The following TXLNB variants were observed in gnomAD, a reference collection of about 807,000 sequenced individuals.
TXLNB encodes the protein beta-taxilin.
TXLNB carries 37 observed loss-of-function variants against 57.4 expected under a neutral mutation model. The observed-to-expected ratio is 0.64, with a 90% confidence interval of 0.50 to 0.85. The LOEUF (loss-of-function observed/expected upper bound fraction) is 0.85, where lower values mean the gene tolerates loss of function less well. Ranked by LOEUF, TXLNB falls within the 40% of genes least tolerant of loss-of-function variation. The pLI is 0.00. For missense variants in TXLNB, 848 were observed against 825.6 expected, an observed-to-expected ratio of 1.03 and a Z score of -0.33; for synonymous variants, 302 against 309.6, an observed-to-expected ratio of 0.98 and a Z score of 0.26.
At chr6:139,290,433 T>G (rs1777278976) in intron 1 of TXLNB, among the ~76,000 whole-genome samples, 2 of 152,198 alleles carry the variant, frequency 1.3e-5, no homozygotes, top group Non-Finnish European at 2.9e-5. Flanking sequence ...ATTCCTTAAA[T>G]TTCTATAATA....
At chr6:139,228,225 G>C in the TXLNB span, among the ~76,000 whole-genome samples, 3 of 152,040 alleles carry the variant, frequency 2.0e-5, no homozygotes, top group Admixed American at 6.6e-5. Context: ...CTCTTAAAAA[G>C]GGAAACTAGG....
In TXLNB at chr6:139,241,599, G is replaced by C. The variant is rs542193368; in HGVS notation, c.*927C>G. 1 of 152,366 alleles carries C rather than the reference G, an allele frequency of 6.6e-6. No homozygotes were observed. The highest frequency in any genetic ancestry group is 2.1e-4 in the South Asian group (1 of 4,826). 9.4% of individuals were successfully genotyped at this position (152,366 alleles called of 1,614,324 possible). A position where few individuals can be genotyped will look rare whatever the true frequency, so the allele number is the denominator to read the frequency against. On this transcript the variant is annotated 3_prime_UTR_variant, in exon 10 of 10. Coordinates refer to ENST00000358430, the MANE Select transcript of TXLNB (RefSeq NM_153235.4). ...TGGAATGGGATGCCCTGGCACATGA[G>C]GGGGTGGCAAAGCAATGGGCTGAGA...
chr6:139,287,672 C>T (rs910804748), intron 2 of TXLNB, among the ~76,000 whole-genome samples: 2 of 152,174 alleles, frequency 1.3e-5, no homozygotes, highest in Non-Finnish European at 2.9e-5. Flanking sequence ...AGGGAGTATT[C>T]GTAGTGAGTG....
intron 2 of TXLNB, chr6:139,287,312 A>G (rs1250148048): frequency 6.6e-6 from 1 of 152,218 alleles, no homozygotes; most frequent in Non-Finnish European, 1.5e-5. Flanking sequence ...GAGAAAGTGG[A>G]TTTGTCAGCC....
the TXLNB span, among the ~76,000 whole-genome samples, chr6:139,159,653 A>G: frequency 1.3e-5 from 2 of 152,076 alleles, no homozygotes; most frequent in Non-Finnish European, 2.9e-5. Context: ...CCCTCTCTCT[A>G]TTACTGTGGT....
chr6:139,288,792 C>G lies in TXLNB; in HGVS notation c.108G>C (p.Gln36His). 1 of 1,614,194 alleles carries G rather than the reference C, an allele frequency of 6.2e-7. No homozygotes were observed. The highest frequency in any genetic ancestry group is 8.5e-7 in the Non-Finnish European group (1 of 1,180,020). ...GTGGTTGGACTGGGGTTGGAGAATCCTGGCCATCTTCCTTCTCCAGGCCAT... is the reference window on the plus strand; with the variant it reads ...GTGGTTGGACTGGGGTTGGAGAATCGTGGCCATCTTCCTTCTCCAGGCCAT... ...SHNGLEKEDG[Q>H]DSPTPVQPPE... The change falls in exon 2 of 10, where the codon CAG becomes CAC. Residue 36 changes from glutamine (Q) to histidine (H), a missense_variant. By Grantham distance (24) the Gln-to-His change is conservative. Transcript: ENST00000358430.
chr6:139,267,207 A>T (rs117873548), intron 4 of TXLNB, among the ~76,000 whole-genome samples: 1,531 of 152,316 alleles, frequency 0.01, 67 homozygotes, highest in Admixed American at 0.074. Context: ...AATGGTAAAC[A>T]TCTGGGTAGA....
At chr6:139,175,418 T>G in the TXLNB span, among the ~76,000 whole-genome samples, 1 of 152,148 alleles carries the variant, frequency 6.6e-6, no homozygotes, top group Non-Finnish European at 1.5e-5. Flanking sequence ...GTAAAGAGAG[T>G]ATCTTTACTA....
chr6:139,174,377 G>T, the TXLNB span: 32 of 1,612,128 alleles, frequency 2.0e-5, no homozygotes, highest in Non-Finnish European at 2.6e-5. Flanking sequence ...TGTGTCTTCT[G>T]TGCACAGGGA....
chr6:139,236,751 C>T (rs150581028), downstream of TXLNB, among the ~76,000 whole-genome samples: 1,347 of 152,238 alleles, frequency 8.8e-3, 9 homozygotes, highest in South Asian at 0.043. Flanking sequence ...ACCACAGGTG[C>T]CTGCCACCAC....
At chr6:139,318,415 G>A in the TXLNB span, among the ~76,000 whole-genome samples, 7 of 151,842 alleles carry the variant, frequency 4.6e-5, no homozygotes, top group African/African-American at 1.7e-4. Context: ...ATCCCCAAAA[G>A]GAAACGAGAA....
At position 139,242,802 on chromosome 6, in the gene TXLNB, G is replaced by A. The variant is rs761176873; in HGVS notation, c.1779C>T (p.Leu593=). The change falls in exon 10 of 10, where the codon CTC becomes CTT. Residue 593 remains leucine, a synonymous_variant. Transcript: ENST00000358430. The stretch of plus-strand genomic sequence containing the variant: ...CCTGATCAGCCTGTGCTCCAACAGG[G>A]AGACCCTCGCATTGGGTTTCTGCTC... ...GLGAETQCEG[L]PVGAQADQAS... 2.7e-5 allele frequency: 44 copies of A among 1,614,060 alleles called. No individual in the cohort carries two copies. Among genetic ancestry groups the A allele is most frequent in the Non-Finnish European group, 3.5e-5 (41 of 1,180,042 alleles).
At chr6:139,235,483 A>T (rs1003704530), downstream of TXLNB, among the ~76,000 whole-genome samples, 1 of 152,142 alleles carries the variant, frequency 6.6e-6, no homozygotes, top group African/African-American at 2.4e-5. Flanking sequence ...GTGAGGGGCC[A>T]GGGGCAGAAT....
At position 139,244,847 on chromosome 6, in the gene TXLNB, A is replaced by G. The variant is rs147011257; in HGVS notation, c.1171-157T>C. On this transcript the variant is annotated intron_variant, in intron 8 of 9. Transcript: ENST00000358430. The stretch of plus-strand genomic sequence containing the variant: ...AGAATGAAGATTGTAGCAGAGTCAT[A>G]ATTTATTTCTGAGCCGTCTAGGGCA... Among the ~76,000 whole-genome samples, 231 of 152,350 alleles carry G rather than the reference A, an allele frequency of 1.5e-3. 3 individuals are homozygous for G. The East Asian group carries it at 0.027, about 18-fold the overall frequency.
upstream of TXLNB, among the ~76,000 whole-genome samples, chr6:139,293,237 G>A (rs765914802): frequency 6.6e-5 from 10 of 152,070 alleles, no homozygotes; most frequent in Admixed American, 2.0e-4. Context: ...GATTACAGGC[G>A]CCTGCCACCA....
At chr6:139,238,233 A>G (rs1382572169), downstream of TXLNB, among the ~76,000 whole-genome samples, 1 of 152,096 alleles carries the variant, frequency 6.6e-6, no homozygotes, top group Non-Finnish European at 1.5e-5. Context: ...GTCTCTACTA[A>G]AAATACAAAA....
chr6:139,244,125 A>G (rs965352551), intron 9 of TXLNB, among the ~76,000 whole-genome samples: 4 of 152,176 alleles, frequency 2.6e-5, no homozygotes, highest in African/African-American at 4.8e-5. Context: ...TTAAATGTCT[A>G]TTGGAGGAAT....
chr6:139,171,215 G>C, the TXLNB span, among the ~76,000 whole-genome samples: 1 of 151,872 alleles, frequency 6.6e-6, no homozygotes, highest in African/African-American at 2.4e-5. Context: ...AAGAGCTCTT[G>C]GATAGGAAGA....
chr6:139,263,195 T>C (rs973996064), intron 4 of TXLNB, among the ~76,000 whole-genome samples: 3 of 152,220 alleles, frequency 2.0e-5, no homozygotes, highest in African/African-American at 7.2e-5. Flanking sequence ...AGATCTTATA[T>C]TTCCCTGTAA....
Sources: gnomAD v4.1 joint callset for allele counts (sites outside exome capture counted in the v4.1 genomes callset) on GRCh38, gnomAD v4.1.1 for gene constraint, MANE v1.5 for transcripts, NCBI Gene and HGNC (gene_info 2026-07-23, HGNC 2026-07-21) for gene names.